The following PDE2A variants were observed in gnomAD, a reference collection of about 807,000 sequenced individuals.
The protein encoded by PDE2A is cGMP-dependent 3',5'-cyclic phosphodiesterase.
Under a neutral mutation model 133.6 loss-of-function variants are expected in PDE2A, and 53 were observed. The observed-to-expected ratio is 0.40, with a 90% CI of 0.32 to 0.50. The LOEUF is 0.50. PDE2A is among the 20% of genes least tolerant of loss of function. PDE2A has a pLI of 0.73. For missense variants in PDE2A, 796 were observed against 1,232.4 expected, an observed-to-expected ratio of 0.65 and a Z score of 5.30; for synonymous variants, 491 against 490.2, an observed-to-expected ratio of 1.00 and a Z score of -0.02.
At chr11:72,664,552 T>G (rs1036844228) in intron 1 of PDE2A, among the ~76,000 whole-genome samples, 2 of 150,260 alleles carry the variant, frequency 1.3e-5, no homozygotes, top group African/African-American at 4.9e-5. Flanking sequence ...TTTTTGTATT[T>G]TTAGTAGAGA....
At position 72,590,724 on chromosome 11, in the gene PDE2A, AC is replaced by A; in HGVS notation, c.550-145del. The stretch of plus-strand genomic sequence containing the variant: ...GCCGTCCCAAACACCTCATCCCTGG[AC>A]TCTACCTTCCTGAGGGCTCCCCCGG... On this transcript the variant is annotated intron_variant, in intron 7 of 30. Transcript: ENST00000334456. This position sits in a 1 kb window ranked among gnomAD's most constrained non-coding sequence, Gnocchi z 4.8. The A allele has an allele frequency of 1.3e-6, 1 of 749,674 alleles. No individual in the cohort carries two copies. 46.4% of individuals were successfully genotyped at this position (749,674 alleles called of 1,614,324 possible).
Position 72,596,641 on chromosome 11 carries a change from G to A in PDE2A, c.441C>T (p.Val147=), listed in dbSNP as rs1286547118. The stretch of plus-strand genomic sequence containing the variant: ...CAGCCTCCTTGTCCGCTAGCGGCAT[G>A]ACCAGCACTGAGGGGGAGAGGGCAA... ...APLAPDTQVL[V]MPLADKEAGA... is the part of the protein sequence containing the mutation. The change falls in exon 6 of 31, where the codon GTC becomes GTT. Residue 147 remains valine (V), a synonymous_variant. Transcript: ENST00000334456. 3 of 1,499,802 alleles carry A rather than the reference G, an allele frequency of 2.0e-6. No homozygotes were observed. Among genetic ancestry groups the A allele is most frequent in the Admixed American group, 4.1e-5 (2 of 48,766 alleles). 92.9% of individuals were successfully genotyped at this position (1,499,802 alleles called of 1,614,324 possible).
chr11:72,630,057 G>A (rs1386610164), intron 2 of PDE2A, among the ~76,000 whole-genome samples: 1 of 152,038 alleles, frequency 6.6e-6, no homozygotes, highest in Non-Finnish European at 1.5e-5. Context: ...AGCCCACCTT[G>A]TTTGCTCGTC....
chr11:72,578,517 G>A lies in PDE2A; in HGVS notation c.2470-3C>T. The A allele has an allele frequency of 6.2e-7, 1 of 1,611,796 alleles. No individual in the cohort carries two copies. The highest frequency in any genetic ancestry group is 8.5e-7 in the Non-Finnish European group (1 of 1,177,880). ...AAGAATTCTTTGTAGATCAGCTCCT[G>A]AAAGGCCAACACTCTCATCACATCC... On this transcript the variant is annotated splice_region_variant and splice_polypyrimidine_tract_variant and intron_variant, in intron 28 of 30. Coordinates refer to ENST00000334456, the MANE Select transcript of PDE2A (RefSeq NM_002599.5). The surrounding 1 kb of genome is among the most constrained non-coding windows in gnomAD (Gnocchi z 4.2).
At chr11:72,589,830 G>A in intron 10 of PDE2A, 38 bp from the exon 11 acceptor site, 1 of 1,609,498 alleles carries the variant, frequency 6.2e-7, no homozygotes, top group Non-Finnish European at 8.5e-7. Flanking sequence ...TAAAGGAAAG[G>A]CAATGGATTT....
At chr11:72,632,781 A>C (rs4944599) in intron 2 of PDE2A, among the ~76,000 whole-genome samples, 1 of 147,522 alleles carries the variant, frequency 6.8e-6, no homozygotes, top group African/African-American at 2.5e-5. Context: ...CCCCCCTCAC[A>C]CCTCCCACCA....
intron 2 of PDE2A, among the ~76,000 whole-genome samples, chr11:72,621,982 T>C (rs1857794478): frequency 6.6e-6 from 1 of 152,114 alleles, no homozygotes; most frequent in Non-Finnish European, 1.5e-5. Context: ...AAAGAACCCC[T>C]GCAATTCAAT....
chr11:72,618,055 C>A (rs1857564104), intron 2 of PDE2A, among the ~76,000 whole-genome samples: 1 of 152,190 alleles, frequency 6.6e-6, no homozygotes, highest in South Asian at 2.1e-4. Context: ...GTGACCCTGT[C>A]CCTCCCTTGC....
At chr11:72,640,194 ACC>A (rs1858893543) in intron 2 of PDE2A, among the ~76,000 whole-genome samples, 1 of 150,594 alleles carries the variant, frequency 6.6e-6, no homozygotes, top group Non-Finnish European at 1.5e-5. Context: ...CACCTCACAC[ACC>A]TCTCACCTCC....
At chr11:72,624,563 G>A (rs934871297) in intron 2 of PDE2A, among the ~76,000 whole-genome samples, 27 of 152,060 alleles carry the variant, frequency 1.8e-4, no homozygotes, top group African/African-American at 6.5e-4. Context: ...TTCAGTGTCA[G>A]ACACTCGAGC....
intron 3 of PDE2A, among the ~76,000 whole-genome samples, chr11:72,607,501 C>T (rs935406540): frequency 1.3e-5 from 2 of 152,184 alleles, no homozygotes; most frequent in Admixed American, 6.5e-5. Flanking sequence ...CCACCCACTT[C>T]CTACCAATTT....
chr11:72,621,354 G>A (rs1330656294), intron 2 of PDE2A, among the ~76,000 whole-genome samples: 1 of 152,148 alleles, frequency 6.6e-6, no homozygotes, highest in Non-Finnish European at 1.5e-5. Flanking sequence ...GCTGAAGCTG[G>A]GGCTGAGCCC....
intron 2 of PDE2A, among the ~76,000 whole-genome samples, chr11:72,638,403 C>T (rs1249133387): frequency 2.0e-5 from 3 of 152,216 alleles, no homozygotes; most frequent in Non-Finnish European, 1.5e-5. Flanking sequence ...TCAGGACACA[C>T]ACGGTGGGTA....
chr11:72,668,321 C>G, intron 1 of PDE2A: 1 of 718,762 alleles, frequency 1.4e-6, no homozygotes, highest in Non-Finnish European at 2.6e-6. Context: ...ATTTCCCCTC[C>G]TGGATCCTCT....
intron 1 of PDE2A, among the ~76,000 whole-genome samples, chr11:72,646,536 A>G (rs926350001): frequency 1.3e-5 from 2 of 152,196 alleles, no homozygotes; most frequent in Admixed American, 1.3e-4. Flanking sequence ...AGCAGCTACT[A>G]TGTAGCCCAG....
chr11:72,665,925 GA>G (rs200002691), intron 1 of PDE2A, among the ~76,000 whole-genome samples: 5 of 149,434 alleles, frequency 3.3e-5, no homozygotes, highest in African/African-American at 7.4e-5. Flanking sequence ...AAAAAAACAC[GA>G]AAAAAAAAGC....
intron 6 of PDE2A, among the ~76,000 whole-genome samples, chr11:72,592,314 G>A (rs919231468): frequency 6.6e-6 from 1 of 152,214 alleles, no homozygotes; most frequent in Non-Finnish European, 1.5e-5. Flanking sequence ...TGCACTGGGG[G>A]CTCCTCCTTC....
intron 1 of PDE2A, chr11:72,652,817 A>T (rs1854779391): frequency 4.7e-6 from 2 of 425,120 alleles, no homozygotes; most frequent in South Asian, 3.4e-5. Context: ...TGGGGAAAAG[A>T]GCCCAGGGCC....
At chr11:72,626,489 A>G (rs1040608011) in intron 2 of PDE2A, among the ~76,000 whole-genome samples, 1 of 152,236 alleles carries the variant, frequency 6.6e-6, no homozygotes, top group Non-Finnish European at 1.5e-5. Context: ...TCCAGGAGGA[A>G]GTAGCACATC....
Sources: gnomAD v4.1 joint callset for allele counts (sites outside exome capture counted in the v4.1 genomes callset) on GRCh38, gnomAD v4.1.1 for gene constraint, Gnocchi (gnomAD v3.1) non-coding constraint, MANE v1.5 for transcripts, NCBI Gene and HGNC (gene_info 2026-07-23, HGNC 2026-07-21) for gene names.